Variants in RAB5C observed in about 807,000 individuals in gnomAD.
RAB5C encodes the protein RAB5C, member RAS oncogene family.
In RAB5C, 4 loss-of-function variants were observed where a neutral mutation model predicts 25.2. The ratio of observed to expected loss-of-function variants is 0.16; its 90% CI spans 0.08 to 0.36. The LOEUF is 0.36. Among genes scored for constraint, RAB5C ranks in the 10% least tolerant of loss-of-function variants. RAB5C has a pLI of 1.00. For missense variants in RAB5C, 199 were observed against 283.8 expected, an observed-to-expected ratio of 0.70 and a Z score of 2.15; for synonymous variants, 100 against 106.4, an observed-to-expected ratio of 0.94 and a Z score of 0.37.
intron 1 of RAB5C, among the ~76,000 whole-genome samples, chr17:42,147,465 G>A (rs894219800): frequency 1.3e-5 from 2 of 152,196 alleles, no homozygotes; most frequent in East Asian, 1.9e-4. Flanking sequence ...AAGCACGGTC[G>A]TTCTGTCCTG....
intron 1 of RAB5C, among the ~76,000 whole-genome samples, chr17:42,140,374 C>A (rs1006100016): frequency 6.6e-6 from 1 of 151,124 alleles, no homozygotes; most frequent in Middle Eastern, 3.2e-3. Context: ...CCACACACAC[C>A]GTGGTCAGCG....
chr17:42,144,927 A>C (rs867435250), intron 1 of RAB5C, among the ~76,000 whole-genome samples: 248 of 8,276 alleles, frequency 0.03, no homozygotes, highest in Non-Finnish European at 0.05. Flanking sequence ...CTCCGTCTCA[A>C]AAAAAAAAAA....
intron 1 of RAB5C, among the ~76,000 whole-genome samples, chr17:42,145,236 G>A (rs2079628827): frequency 1.3e-5 from 2 of 152,056 alleles, no homozygotes; most frequent in East Asian, 3.9e-4. Context: ...CTCAACAAGG[G>A]GAACATGAAC....
intron 4 of RAB5C, among the ~76,000 whole-genome samples, chr17:42,127,978 C>T (rs1172689931): frequency 3.9e-5 from 6 of 152,012 alleles, no homozygotes; most frequent in Non-Finnish European, 8.8e-5. Flanking sequence ...TGCCACCAAG[C>T]CCAGCTAATT....
chr17:42,145,104 C>T (rs903090184), intron 1 of RAB5C, among the ~76,000 whole-genome samples: 4 of 151,556 alleles, frequency 2.6e-5, no homozygotes, highest in African/African-American at 4.8e-5. Context: ...ACCCGGGAGG[C>T]GGAGCTTGCA....
At chr17:42,128,975 G>T (rs1445207433) in intron 2 of RAB5C, among the ~76,000 whole-genome samples, 175 bp from the exon 3 acceptor site, 2 of 152,094 alleles carry the variant, frequency 1.3e-5, no homozygotes, top group African/African-American at 4.8e-5. Flanking sequence ...GGATTTTTAT[G>T]TATGTGTCTG....
At chr17:42,133,773 T>C (rs908028965) in intron 1 of RAB5C, among the ~76,000 whole-genome samples, 33 of 152,236 alleles carry the variant, frequency 2.2e-4, no homozygotes, top group Non-Finnish European at 3.8e-4. Flanking sequence ...TTAATGGCAG[T>C]GTTTGCCAGC....
chr17:42,151,661 C>G (rs2079672527), intron 1 of RAB5C, among the ~76,000 whole-genome samples: 1 of 152,188 alleles, frequency 6.6e-6, no homozygotes, highest in Non-Finnish European at 1.5e-5. Flanking sequence ...AGTGGGACCC[C>G]TGAGTTTACT....
intron 1 of RAB5C, among the ~76,000 whole-genome samples, chr17:42,132,253 A>C (rs912267442): frequency 6.6e-5 from 10 of 152,204 alleles, no homozygotes; most frequent in African/African-American, 2.2e-4. Flanking sequence ...CAGAAACAAC[A>C]GTTTCCTTTC....
intron 1 of RAB5C, among the ~76,000 whole-genome samples, chr17:42,142,843 AT>A (rs1204455886): frequency 6.6e-6 from 1 of 152,190 alleles, no homozygotes; most frequent in Admixed American, 6.6e-5. Context: ...AAACCGTCCC[AT>A]GGGGGCAGTC....
rs941761887 is a variant in RAB5C, at chr17:42,128,933, G to C, written c.167-133C>G. The C allele has an allele frequency of 4.9e-6, 4 of 811,490 alleles. No homozygotes were observed. The African/African-American group carries it at 7.2e-5, about 15-fold the overall frequency. The allele number at this position is 811,490 out of a possible 1,614,324, so 50.3% of individuals were successfully genotyped here. A position where few individuals can be genotyped will look rare whatever the true frequency, so the allele number is the denominator to read the frequency against. ...GGCACAGAGAACCCTCAAGCCAGGA[G>C]CCAAAGCAGGCCTGAGTGGGGGGTG... On this transcript the variant is annotated intron_variant, in intron 2 of 5. Coordinates refer to ENST00000346213, the MANE Select transcript of RAB5C (RefSeq NM_004583.4).
At chr17:42,144,264 C>G (rs1403469888) in intron 1 of RAB5C, among the ~76,000 whole-genome samples, 1 of 149,444 alleles carries the variant, frequency 6.7e-6, no homozygotes, top group African/African-American at 2.5e-5. Flanking sequence ...TGAGACCAAC[C>G]TGGCCAACAT....
At position 42,125,688 on chromosome 17, in the gene RAB5C, T is replaced by C. The variant is rs2144056209; in HGVS notation, c.*95A>G. 1.2e-6 allele frequency: 1 copy of C among 820,724 alleles called. No individual in the cohort carries two copies. Among genetic ancestry groups the C allele is most frequent in the Non-Finnish European group, 2.0e-6 (1 of 512,720 alleles). The allele number at this position is 820,724 out of a possible 1,614,324, so 50.8% of individuals were successfully genotyped here. On this transcript the variant is annotated 3_prime_UTR_variant, in exon 6 of 6. Coordinates refer to ENST00000346213, the MANE Select transcript of RAB5C (RefSeq NM_004583.4). Reference sequence around the variant, plus strand: ...TGGACCCCTCCCCCTGCCCCCCCAGTGGTGGCCCGAGTCGTTAAGTGCGAT... The same window carrying C: ...TGGACCCCTCCCCCTGCCCCCCCAGCGGTGGCCCGAGTCGTTAAGTGCGAT...
intron 1 of RAB5C, among the ~76,000 whole-genome samples, chr17:42,138,710 C>G (rs2054562155): frequency 6.6e-6 from 1 of 152,200 alleles, no homozygotes; most frequent in South Asian, 2.1e-4. Flanking sequence ...GCCCCAAGTG[C>G]AGACACCAAC....
intron 1 of RAB5C, among the ~76,000 whole-genome samples, chr17:42,132,246 AAAC>A (rs2054493257): frequency 6.6e-6 from 1 of 152,216 alleles, no homozygotes; most frequent in Non-Finnish European, 1.5e-5. Flanking sequence ...CACTAGCCAG[AAAC>A]AACAGTTTCC....
chr17:42,145,953 C>T (rs2079632556), intron 1 of RAB5C, among the ~76,000 whole-genome samples: 2 of 152,034 alleles, frequency 1.3e-5, no homozygotes, highest in Non-Finnish European at 2.9e-5. Context: ...ATTACAGGTG[C>T]GTACCACCAT....
intron 1 of RAB5C, among the ~76,000 whole-genome samples, chr17:42,143,503 A>G (rs1464716328): frequency 6.6e-6 from 1 of 152,060 alleles, no homozygotes; most frequent in Non-Finnish European, 1.5e-5. Context: ...CAGGCATGGT[A>G]GCGTGCACCT....
chr17:42,131,680 G>A lies in RAB5C; in HGVS notation c.-88-1090C>T, dbSNP rs1309811334. ...GAGGCAGGAGGTGTGGGAGGGCAGA[G>A]ACCAAGTCCTGCATCCCCAACAGCT... On this transcript the variant is annotated intron_variant, in intron 1 of 5. Coordinates refer to ENST00000346213, the MANE Select transcript of RAB5C (RefSeq NM_004583.4). The A allele has an allele frequency of 2.1e-6, 3 of 1,424,064 alleles. No homozygotes were observed. The South Asian group carries it at 3.7e-5, about 17-fold the overall frequency. 88.2% of individuals were successfully genotyped at this position (1,424,064 alleles called of 1,614,324 possible).
intron 3 of RAB5C, 52 bp downstream of exon 3, chr17:42,128,597 T>G (rs2054452680): frequency 7.2e-7 from 1 of 1,381,742 alleles, no homozygotes; most frequent in Admixed American, 2.9e-5. Context: ...ACCCAATCCC[T>G]GGGACTTTGA....
Sources: allele counts gnomAD v4.1 joint callset (sites outside exome capture counted in the v4.1 genomes callset), GRCh38; gene constraint gnomAD v4.1.1; transcripts MANE v1.5; gene names NCBI Gene and HGNC (gene_info 2026-07-23, HGNC 2026-07-21).